The following C8orf34 variants were observed in gnomAD, a reference collection of about 807,000 sequenced individuals.
C8orf34 encodes the protein chromosome 8 open reading frame 34.
C8orf34 carries 65 observed loss-of-function variants against 68.3 expected under a neutral mutation model. That is an observed-to-expected ratio of 0.95 (90% confidence interval 0.78 to 1.17). The LOEUF is 1.17. Among genes scored for constraint, C8orf34 ranks in the 50% most tolerant of loss-of-function variants. The probability of loss-of-function intolerance (pLI) is 0.00; values close to 1 mark genes in which losing one functional copy is unlikely to be tolerated. For missense variants in C8orf34, 664 were observed against 655.4 expected, an observed-to-expected ratio of 1.01 and a Z score of -0.14; for synonymous variants, 244 against 241.2, an observed-to-expected ratio of 1.01 and a Z score of -0.11.
intron 8 of C8orf34, among the ~76,000 whole-genome samples, chr8:68,660,916 A>G (rs935631359): frequency 2.6e-5 from 4 of 151,882 alleles, no homozygotes; most frequent in Admixed American, 6.6e-5. Flanking sequence ...GGGAAAAACA[A>G]CAGCTACAGT....
chr8:68,785,598 G>A (rs556907940), intron 11 of C8orf34, among the ~76,000 whole-genome samples: 1 of 152,244 alleles, frequency 6.6e-6, no homozygotes, highest in South Asian at 2.1e-4. Flanking sequence ...TCCCCCTTCA[G>A]TGAGGTTGTT....
intron 5 of C8orf34, among the ~76,000 whole-genome samples, chr8:68,498,521 C>G (rs1240761916): frequency 6.6e-6 from 1 of 152,124 alleles, no homozygotes. Context: ...ACAGGGAGAA[C>G]AGCACCACAG....
At chr8:68,533,373 G>A (rs1815331804) in intron 7 of C8orf34, 1 of 1,256,538 alleles carries the variant, frequency 8.0e-7, no homozygotes, top group Non-Finnish European at 1.0e-6. Flanking sequence ...TGTGCTTTGT[G>A]TATGCTGCAC....
intron 1 of C8orf34, among the ~76,000 whole-genome samples, chr8:68,411,430 T>G (rs1192318145): frequency 6.6e-6 from 1 of 152,164 alleles, no homozygotes; most frequent in Admixed American, 6.6e-5. Flanking sequence ...ATTGAATGAT[T>G]GTGAATCTTT....
intron 6 of C8orf34, among the ~76,000 whole-genome samples, chr8:68,532,527 G>C (rs751165445): frequency 7.2e-5 from 11 of 152,046 alleles, no homozygotes; most frequent in Non-Finnish European, 1.2e-4. Context: ...TTAACAAATG[G>C]TGTTCAGACA....
chr8:68,707,608 C>T (rs1403247267), intron 8 of C8orf34, among the ~76,000 whole-genome samples: 1 of 152,086 alleles, frequency 6.6e-6, no homozygotes, highest in Non-Finnish European at 1.5e-5. Context: ...CAGGGGCTCA[C>T]TCTGTCACCC....
intron 8 of C8orf34, among the ~76,000 whole-genome samples, chr8:68,706,991 C>A (rs1821185000): frequency 6.6e-6 from 1 of 152,062 alleles, no homozygotes; most frequent in South Asian, 2.1e-4. Context: ...ATAAGGGAGT[C>A]TGTTTAATAT....
At chr8:68,752,823 T>G (rs1221198759) in intron 10 of C8orf34, among the ~76,000 whole-genome samples, 2 of 152,298 alleles carry the variant, frequency 1.3e-5, no homozygotes, top group South Asian at 2.1e-4. Context: ...AATTCTATAC[T>G]TCATAGATCA....
At chr8:68,724,821 A>G (rs751110282) in intron 10 of C8orf34, among the ~76,000 whole-genome samples, 4 of 152,118 alleles carry the variant, frequency 2.6e-5, no homozygotes, top group Non-Finnish European at 5.9e-5. Flanking sequence ...ATGAACACTT[A>G]ATGTCGATGA....
At chr8:68,781,749 A>G (rs1823685321) in intron 11 of C8orf34, among the ~76,000 whole-genome samples, 1 of 152,228 alleles carries the variant, frequency 6.6e-6, no homozygotes, top group Non-Finnish European at 1.5e-5. Context: ...AAACATTTAA[A>G]TCATCTATTA....
At chr8:68,429,147 C>T (rs1479771705) in intron 1 of C8orf34, among the ~76,000 whole-genome samples, 2 of 152,086 alleles carry the variant, frequency 1.3e-5, no homozygotes, top group Non-Finnish European at 2.9e-5. Flanking sequence ...AATGAAAAGG[C>T]AATCCCCCCA....
rs77777029 is a variant in C8orf34 at position 68,743,172 on chromosome 8, C to T, written c.1404+21735C>T. 7.8e-3 allele frequency among the ~76,000 whole-genome samples: 1,193 copies of T among 152,102 alleles called. 19 individuals carry two copies. The highest frequency in any genetic ancestry group is 0.027 in the African/African-American group (1,105 of 41,494). On this transcript the variant is annotated intron_variant, in intron 10 of 13. Coordinates refer to ENST00000518698, the MANE Select transcript of C8orf34 (RefSeq NM_052958.4). ...AGTTAAATTTGAGTGGAGAACAATT[C>T]GAAAGATGACAAGGACACCTGTTAG... is the stretch of plus-strand genomic sequence containing the variant.
intron 10 of C8orf34, among the ~76,000 whole-genome samples, chr8:68,730,287 T>C (rs968408377): frequency 1.3e-5 from 2 of 152,152 alleles, no homozygotes. Context: ...GAACAGTGAC[T>C]AGTACATATT....
In C8orf34 at chr8:68,470,020, T is replaced by A. The variant is rs917625419; in HGVS notation, c.736+1200T>A. 2.0e-5 allele frequency among the ~76,000 whole-genome samples: 3 copies of A among 151,876 alleles called. No individual in the cohort carries two copies. In the East Asian group the frequency reaches 5.8e-4, roughly 29 times the overall value. On this transcript the variant is annotated intron_variant, in intron 4 of 13. Coordinates refer to ENST00000518698, the MANE Select transcript of C8orf34 (RefSeq NM_052958.4). Reference sequence around the variant, plus strand: ...TAGACCCTTCTATATTTTTGTGCAGTGAACCCCTTTCAGAAGTTAAGCTAC... The same window carrying A: ...TAGACCCTTCTATATTTTTGTGCAGAGAACCCCTTTCAGAAGTTAAGCTAC...
At chr8:68,593,463 T>A (rs1423787205) in intron 7 of C8orf34, among the ~76,000 whole-genome samples, 1 of 152,066 alleles carries the variant, frequency 6.6e-6, no homozygotes, top group African/African-American at 2.4e-5. Flanking sequence ...TAAAACTTAG[T>A]CTAGGGGTTT....
chr8:68,550,056 T>C (rs1816013930), intron 7 of C8orf34, among the ~76,000 whole-genome samples: 1 of 151,836 alleles, frequency 6.6e-6, no homozygotes, highest in Non-Finnish European at 1.5e-5. Context: ...ACTCTTTTAA[T>C]AAGCATATTT....
intron 1 of C8orf34, among the ~76,000 whole-genome samples, chr8:68,349,169 G>A (rs914284177): frequency 3.3e-5 from 5 of 151,986 alleles, no homozygotes; most frequent in Non-Finnish European, 7.4e-5. Flanking sequence ...GATTTACTGG[G>A]AGTTTTTAAC....
chr8:68,611,654 T>G (rs1818027867), intron 7 of C8orf34, among the ~76,000 whole-genome samples: 1 of 152,216 alleles, frequency 6.6e-6, no homozygotes, highest in South Asian at 2.1e-4. Flanking sequence ...TTTTATTTTG[T>G]AGTGATATGA....
chr8:68,484,782 T>G (rs953103770), intron 4 of C8orf34, among the ~76,000 whole-genome samples: 1 of 137,588 alleles, frequency 7.3e-6, no homozygotes, highest in South Asian at 2.5e-4. Flanking sequence ...CTGTATAAGC[T>G]TTGATTAAAA....
Sources: allele counts gnomAD v4.1 joint callset (sites outside exome capture counted in the v4.1 genomes callset), GRCh38; gene constraint gnomAD v4.1.1; transcripts MANE v1.5; gene names NCBI Gene and HGNC (gene_info 2026-07-23, HGNC 2026-07-21).